The following DACH1 variants were observed in gnomAD, a reference collection of about 807,000 sequenced individuals.
DACH1 encodes the protein dachshund homolog 1.
In DACH1, 12 loss-of-function variants were observed where a neutral mutation model predicts 54.2. That is an observed-to-expected ratio of 0.22 (90% confidence interval 0.14 to 0.36). The LOEUF (loss-of-function observed/expected upper bound fraction) is 0.36. Among genes scored for constraint, DACH1 ranks in the 10% least tolerant of loss-of-function variants. The probability of loss-of-function intolerance (pLI) is 1.00; values close to 1 mark genes in which losing one functional copy is unlikely to be tolerated. For missense variants in DACH1, 805 were observed against 929.8 expected (o/e 0.87, Z 1.75); for synonymous variants, 386 against 366.2 (o/e 1.05, Z -0.62).
chr13:71,650,913 G>C (rs1878617266), intron 2 of DACH1, among the ~76,000 whole-genome samples: 1 of 152,054 alleles, frequency 6.6e-6, no homozygotes, highest in African/African-American at 2.4e-5. Flanking sequence ...AACAAAACCA[G>C]TCTTGACATT....
chr13:71,690,210 G>T (rs1002846715), intron 1 of DACH1, among the ~76,000 whole-genome samples: 2 of 152,056 alleles, frequency 1.3e-5, no homozygotes, highest in Non-Finnish European at 2.9e-5. Flanking sequence ...AGACTGAAAT[G>T]CTTTTCAATG....
intron 1 of DACH1, among the ~76,000 whole-genome samples, chr13:71,861,331 A>G (rs1874336445): frequency 6.6e-6 from 1 of 152,006 alleles, no homozygotes; most frequent in Non-Finnish European, 1.5e-5. Context: ...TGTGGAGTTC[A>G]GAAAGTAAAG....
At chr13:71,443,999 C>T (rs924721066) in intron 10 of DACH1, among the ~76,000 whole-genome samples, 1 of 152,156 alleles carries the variant, frequency 6.6e-6, no homozygotes, top group East Asian at 1.9e-4. Flanking sequence ...CCTGTGGGAC[C>T]AAACTATGTT....
At chr13:71,729,252 A>AT (rs1234233141) in intron 1 of DACH1, among the ~76,000 whole-genome samples, 1 of 151,928 alleles carries the variant, frequency 6.6e-6, no homozygotes, top group Admixed American at 6.6e-5. Context: ...CTTTCTTTTT[A>AT]TTTTTCATAG....
intron 1 of DACH1, among the ~76,000 whole-genome samples, chr13:71,743,133 G>T (rs1217740990): frequency 6.6e-6 from 1 of 152,096 alleles, no homozygotes; most frequent in East Asian, 1.9e-4. Context: ...GTTAAGCAAG[G>T]CTGTATAATA....
At chr13:71,856,756 C>G (rs532340079) in intron 1 of DACH1, among the ~76,000 whole-genome samples, 1 of 151,894 alleles carries the variant, frequency 6.6e-6, no homozygotes, top group South Asian at 2.1e-4. Flanking sequence ...TTGACATAGG[C>G]CATGGAATTA....
chr13:71,789,862 C>CA (rs1886763078), intron 1 of DACH1, among the ~76,000 whole-genome samples: 1 of 152,018 alleles, frequency 6.6e-6, no homozygotes, highest in African/African-American at 2.4e-5. Flanking sequence ...ACAACAACAA[C>CA]AAAAAATGTG....
At chr13:71,511,630 G>A (rs1019478863) in intron 6 of DACH1, among the ~76,000 whole-genome samples, 10 of 151,904 alleles carry the variant, frequency 6.6e-5, no homozygotes, top group Admixed American at 2.6e-4. Context: ...GCATTGAATG[G>A]CTATCACAGC....
At chr13:71,486,811 T>A (rs879260362) in intron 7 of DACH1, among the ~76,000 whole-genome samples, 666 of 10,828 alleles carry the variant, frequency 0.062, 5 homozygotes, top group Non-Finnish European at 0.26. Flanking sequence ...TATTTATTTA[T>A]TTATCTATCT....
chr13:71,832,528 C>A (rs1373797604), intron 1 of DACH1, among the ~76,000 whole-genome samples: 2 of 151,868 alleles, frequency 1.3e-5, no homozygotes, highest in African/African-American at 4.8e-5. Flanking sequence ...AATCTCCATT[C>A]TTGTCAAAAA....
intron 2 of DACH1, among the ~76,000 whole-genome samples, chr13:71,643,598 G>GTTAAA (rs1476400836): frequency 7.9e-5 from 12 of 152,210 alleles, no homozygotes; most frequent in Non-Finnish European, 5.9e-5. Context: ...TCTACAGAAG[G>GTTAAA]TCAAAGGTTT....
chr13:71,840,868 G>A (rs1374856787), intron 1 of DACH1, among the ~76,000 whole-genome samples: 1 of 152,092 alleles, frequency 6.6e-6, no homozygotes, highest in African/African-American at 2.4e-5. Context: ...CTTGGATGAA[G>A]AGTTTATCAC....
At chr13:71,835,100 T>C (rs1888734508) in intron 1 of DACH1, among the ~76,000 whole-genome samples, 1 of 152,060 alleles carries the variant, frequency 6.6e-6, no homozygotes, top group South Asian at 2.1e-4. Context: ...CCTACATATT[T>C]GCTGGTGAAA....
chr13:71,516,734 C>G (rs2138270332), intron 6 of DACH1, among the ~76,000 whole-genome samples: 1 of 151,896 alleles, frequency 6.6e-6, no homozygotes, highest in South Asian at 2.1e-4. Context: ...AGACGTCTGC[C>G]AAGCACTTGT....
chr13:71,628,061 A>G (rs1348184127), intron 3 of DACH1, among the ~76,000 whole-genome samples: 4 of 152,098 alleles, frequency 2.6e-5, no homozygotes, highest in Admixed American at 2.0e-4. Flanking sequence ...ACTATTATTT[A>G]TGCCATTTTT....
Position 71,689,852 on chromosome 13 carries a change from C to T in DACH1, c.849-7942G>A, listed in dbSNP as rs907248612. On this transcript the variant is annotated intron_variant, in intron 1 of 10. Coordinates refer to ENST00000613252, the MANE Select transcript of DACH1 (RefSeq NM_080759.6). Reference sequence around the variant, plus strand: ...GGTAGTTGGGATAATCTCGCCCTCGCCCTCGCCCCTAAAGCTTCTAAGTCC... The same window carrying T: ...GGTAGTTGGGATAATCTCGCCCTCGTCCTCGCCCCTAAAGCTTCTAAGTCC... 2.6e-5 allele frequency among the ~76,000 whole-genome samples: 4 copies of T among 152,080 alleles called. No individual in the cohort carries two copies. The East Asian group carries it at 7.7e-4, about 29-fold the overall frequency.
intron 1 of DACH1, among the ~76,000 whole-genome samples, chr13:71,828,500 T>C (rs1282130668): frequency 6.6e-6 from 1 of 152,028 alleles, no homozygotes; most frequent in East Asian, 1.9e-4. Flanking sequence ...TAAACATCTT[T>C]TTCAACTTTT....
At chr13:71,783,965 AAAAAAAAAAAAAAAAC>A (rs1455277446) in intron 1 of DACH1, among the ~76,000 whole-genome samples, 1 of 46,512 alleles carries the variant, frequency 2.1e-5, no homozygotes, top group Non-Finnish European at 4.2e-5. Flanking sequence ...TCCAAGGTTT[AAAAAAAAAAAAAAAAC>A]AAAAAAAAAA....
chr13:71,634,589 G>C (rs1877335052), intron 2 of DACH1, among the ~76,000 whole-genome samples: 1 of 152,142 alleles, frequency 6.6e-6, no homozygotes, highest in South Asian at 2.1e-4. Context: ...GCTCAGAGCT[G>C]GAGGCTCAGG....
Sources: gnomAD v4.1 joint callset for allele counts (sites outside exome capture counted in the v4.1 genomes callset) on GRCh38, gnomAD v4.1.1 for gene constraint, MANE v1.5 for transcripts, NCBI Gene and HGNC (gene_info 2026-07-23, HGNC 2026-07-21) for gene names.